The following PCDH15 variants were observed in gnomAD, a reference collection of about 807,000 sequenced individuals.
The protein encoded by PCDH15 is protocadherin-15.
A neutral mutation model predicts 178.5 loss-of-function variants in PCDH15; 129 were observed. The observed-to-expected ratio is 0.72, with a 90% CI of 0.63 to 0.84. PCDH15 has a LOEUF of 0.84. Among genes scored for constraint, PCDH15 ranks in the 40% least tolerant of loss-of-function variants. PCDH15 has a pLI of 0.00. For synonymous variants in PCDH15, 800 were observed against 732.0 expected, an observed-to-expected ratio of 1.09 and a Z score of -1.50; for missense variants, 2,230 against 2,099.9, an observed-to-expected ratio of 1.06 and a Z score of -1.21.
intron 3 of PCDH15, among the ~76,000 whole-genome samples, chr10:54,485,218 T>TA (rs962293305): frequency 3.4e-4 from 52 of 151,000 alleles, no homozygotes; most frequent in African/African-American, 1.1e-3. Context: ...TTTTGAGCAA[T>TA]AAAAAAAAAT....
intron 3 of PCDH15, among the ~76,000 whole-genome samples, chr10:54,387,703 T>A (rs1353304649): frequency 6.6e-6 from 1 of 152,200 alleles, no homozygotes; most frequent in Non-Finnish European, 1.5e-5. Flanking sequence ...AATTCCTGTT[T>A]CTTGCACATT....
chr10:55,295,319 C>T (rs1428581676), intron 1 of PCDH15, among the ~76,000 whole-genome samples: 2 of 152,322 alleles, frequency 1.3e-5, no homozygotes, highest in East Asian at 1.9e-4. Context: ...TTAACCTTCA[C>T]ATAACACAGC....
chr10:54,803,835 T>C (rs1003400077), upstream of PCDH15, among the ~76,000 whole-genome samples: 6 of 152,200 alleles, frequency 3.9e-5, no homozygotes, highest in Non-Finnish European at 7.3e-5. Context: ...ATTTAAAACA[T>C]TTAAACATTG....
chr10:53,873,513 T>G (rs980520051), intron 26 of PCDH15, among the ~76,000 whole-genome samples: 8 of 152,200 alleles, frequency 5.3e-5, no homozygotes, highest in Non-Finnish European at 7.3e-5. Flanking sequence ...GATTAGTAAC[T>G]TGTTCATAAT....
intron 2 of PCDH15, among the ~76,000 whole-genome samples, chr10:55,401,594 CTGTGTGTG>C (rs3074786): frequency 1.2e-3 from 159 of 133,178 alleles, no homozygotes; most frequent in African/African-American, 4.1e-3. Context: ...ATTTGCCTTA[CTGTGTGTG>C]TGTGTGTGTG....
At chr10:54,198,495 CTTTTT>C (rs1186240206) in intron 10 of PCDH15, among the ~76,000 whole-genome samples, 1 of 31,172 alleles carries the variant, frequency 3.2e-5, no homozygotes, top group Non-Finnish European at 4.4e-5. Context: ...TCTAATTATT[CTTTTT>C]TTTTTTTTTT....
chr10:54,631,403 C>A (rs1475473635), intron 2 of PCDH15, among the ~76,000 whole-genome samples: 1 of 152,088 alleles, frequency 6.6e-6, no homozygotes, highest in Non-Finnish European at 1.5e-5. Flanking sequence ...ACAAGAACAG[C>A]CTAACACAGT....
Position 54,242,143 on chromosome 10 carries a change from T to C in PCDH15, c.877-5212A>G, listed in dbSNP as rs1564769299. Among the ~76,000 whole-genome samples the C allele has an allele frequency of 5.8e-4, 23 of 39,790 alleles. No individual in the cohort carries two copies. The Admixed American group carries it at 5.9e-3, about 10-fold the overall frequency. The allele number at this position is 39,790 out of a possible 152,430, so 26.1% of individuals were successfully genotyped here. On this transcript the variant is annotated intron_variant, in intron 8 of 37. Coordinates refer to ENST00000644397, the MANE Select transcript of PCDH15 (RefSeq NM_001384140.1). ...TGAATTCTATTTTTATATATATATA[T>C]ATATATATATATATATATATATATA...
chr10:54,113,201 G>A (rs1012490595), intron 15 of PCDH15, among the ~76,000 whole-genome samples: 4 of 152,034 alleles, frequency 2.6e-5, no homozygotes, highest in Admixed American at 2.0e-4. Flanking sequence ...ATAACAATAG[G>A]CATTTGTATA....
chr10:54,560,101 G>A (rs1165431996), intron 2 of PCDH15, among the ~76,000 whole-genome samples: 1 of 151,906 alleles, frequency 6.6e-6, no homozygotes, highest in Non-Finnish European at 1.5e-5. Flanking sequence ...TGAGAATTTA[G>A]GCTGATTCAT....
chr10:55,314,054 G>C (rs118001821), intron 1 of PCDH15, among the ~76,000 whole-genome samples: 161 of 151,742 alleles, frequency 1.1e-3, no homozygotes, highest in Non-Finnish European at 1.8e-3. Context: ...AATGCATGAT[G>C]CACACCCAGT....
At chr10:54,966,167 C>G (rs1322000732) in intron 2 of PCDH15, among the ~76,000 whole-genome samples, 1 of 151,848 alleles carries the variant, frequency 6.6e-6, no homozygotes, top group African/African-American at 2.4e-5. Context: ...AGGCTAAGAA[C>G]AGAAGCTGGA....
intron 1 of PCDH15, among the ~76,000 whole-genome samples, chr10:55,315,658 A>C (rs1406126611): frequency 6.6e-6 from 1 of 152,184 alleles, no homozygotes; most frequent in East Asian, 1.9e-4. Flanking sequence ...TGCAGGGGAA[A>C]AATGTCCATA....
chr10:54,937,027 G>A (rs182935801), intron 2 of PCDH15, among the ~76,000 whole-genome samples: 29 of 151,930 alleles, frequency 1.9e-4, no homozygotes, highest in Admixed American at 9.2e-4. Flanking sequence ...TGTGCATCGC[G>A]TAAGGAACAG....
intron 1 of PCDH15, among the ~76,000 whole-genome samples, chr10:55,253,251 T>C (rs200518103): frequency 3.6e-3 from 123 of 33,882 alleles, no homozygotes; most frequent in African/African-American, 5.7e-3. Flanking sequence ...TGTGTGTGCG[T>C]GTGTGTGTGT....
At chr10:54,128,640 A>G (rs1047353422) in intron 15 of PCDH15, among the ~76,000 whole-genome samples, 12 of 152,166 alleles carry the variant, frequency 7.9e-5, no homozygotes, top group African/African-American at 2.7e-4. Flanking sequence ...AATGTTATCT[A>G]GTACTATTTG....
chr10:54,933,642 T>C (rs78216104), intron 2 of PCDH15, among the ~76,000 whole-genome samples: 4,026 of 152,232 alleles, frequency 0.026, 171 homozygotes, highest in African/African-American at 0.089. Context: ...CCTTAATTAG[T>C]ACCCATTTCC....
intron 2 of PCDH15, among the ~76,000 whole-genome samples, chr10:55,328,713 AACAATACAGT>A (rs1212071688): frequency 6.6e-6 from 1 of 151,272 alleles, no homozygotes; most frequent in Non-Finnish European, 1.5e-5. Flanking sequence ...TAATTCCCTA[AACAATACAGT>A]ACAATTATTT....
chr10:55,476,408 C>T (rs1323297219), intron 2 of PCDH15, among the ~76,000 whole-genome samples: 2 of 151,908 alleles, frequency 1.3e-5, no homozygotes, highest in Admixed American at 1.3e-4. Context: ...CAGTGAGCTT[C>T]CAACACTAGA....
Sources: allele counts gnomAD v4.1 joint callset (sites outside exome capture counted in the v4.1 genomes callset), GRCh38; gene constraint gnomAD v4.1.1; transcripts MANE v1.5; gene names NCBI Gene and HGNC (gene_info 2026-07-23, HGNC 2026-07-21).